The following INSL3 variants were observed in gnomAD, a reference collection of about 807,000 sequenced individuals.
The protein encoded by INSL3 is insulin-like 3.
INSL3 carries 6 observed loss-of-function variants against 5.5 expected under a neutral mutation model. That is an observed-to-expected ratio of 1.08 (90% CI 0.59 to 2.14). The LOEUF is 2.14. Ranked by LOEUF, INSL3 falls within the 30% of genes most tolerant of loss-of-function variation. The pLI, the probability that INSL3 is intolerant of heterozygous loss-of-function variation, is 0.00. For missense variants in INSL3, 178 were observed against 184.7 expected (o/e 0.96, Z 0.21); for synonymous variants, 86 against 82.1 (o/e 1.05, Z -0.26).
Position 17,821,325 on chromosome 19 carries a change from C to CCCCCACTCA in INSL3, c.181_182insTGAGTGGGG (p.Thr60_Gly61insValSerGly). On this transcript the variant is annotated inframe_insertion, in exon 1 of 2. Transcript: ENST00000317306. ...TGCCCGTCCCCACTCACGGTCGCCT[C>CCCCCACTCA]CGGTCGCAGGCCTCCTGGCTTCGGT... 1 of 1,547,474 alleles carries CCCCCACTCA rather than the reference C, an allele frequency of 6.5e-7. No individual in the cohort carries two copies. Among genetic ancestry groups the CCCCCACTCA allele is most frequent in the Admixed American group, 2.0e-5 (1 of 51,010 alleles).
At position 17,821,406 on chromosome 19, in the gene INSL3, C is replaced by T. The variant is rs2094195618; in HGVS notation, c.101G>A (p.Cys34Tyr). ...TAGCGCGCGTACGAAGTGGTGGCCG[C>T]ACAACTTCTCACGCATCTCTGGGGT... is the stretch of plus-strand genomic sequence containing the variant. ...APTPEMREKL[C>Y]GHHFVRALVR... is the part of the protein sequence containing the mutation. Residue 34 changes from cysteine to tyrosine, a missense_variant, in exon 1 of 2, where the codon TGC becomes TAC. Cys to Tyr is a radical substitution (Grantham distance 194). Coordinates refer to ENST00000317306, the MANE Select transcript of INSL3 (RefSeq NM_005543.4). 1.3e-6 allele frequency: 2 copies of T among 1,548,028 alleles called. No individual in the cohort carries two copies. The highest frequency in any genetic ancestry group is 1.7e-6 in the Non-Finnish European group (2 of 1,145,510).
intron 1 of INSL3, chr19:17,820,381 G>C (rs991156469): frequency 2.4e-6 from 1 of 414,442 alleles, no homozygotes; most frequent in Non-Finnish European, 4.8e-6. Context: ...TTTAAAGCTG[G>C]ACACAGTGAC....
At chr19:17,819,586 A>T (rs1293407339) in intron 1 of INSL3, among the ~76,000 whole-genome samples, 1 of 152,124 alleles carries the variant, frequency 6.6e-6, no homozygotes, top group Admixed American at 6.6e-5. Flanking sequence ...TCATGCCTGT[A>T]ATCCCAGCCC....
chr19:17,820,980 A>AT lies in INSL3; in HGVS notation c.190+336dup, dbSNP rs1239719172. ...AGATGTGCATCATTATCCCCGGCTAATTTTTTTAAAAATTATTTTTAGTAG... is the reference window on the plus strand; with the variant it reads ...AGATGTGCATCATTATCCCCGGCTAATTTTTTTTAAAAATTATTTTTAGTAG... On this transcript the variant is annotated intron_variant, in intron 1 of 1. Coordinates refer to ENST00000317306, the MANE Select transcript of INSL3 (RefSeq NM_005543.4). 1.4e-4 allele frequency among the ~76,000 whole-genome samples: 22 copies of AT among 151,966 alleles called. 1 individual carries two copies. The highest frequency in any genetic ancestry group is 2.0e-4 in the East Asian group (1 of 5,120).
intron 1 of INSL3, 161 bp from the exon 2 acceptor site, chr19:17,817,220 G>T: frequency 1.3e-6 from 1 of 761,866 alleles, no homozygotes; most frequent in Non-Finnish European, 2.3e-6. Flanking sequence ...GCTTACACCT[G>T]TAATCCCAGC....
chr19:17,816,721 TAGTG>T lies in INSL3; in HGVS notation c.*129_*132del. 1.2e-6 allele frequency: 1 copy of T among 807,166 alleles called. No homozygotes were observed. Among genetic ancestry groups the T allele is most frequent in the Non-Finnish European group, 2.1e-6 (1 of 486,874 alleles). 50.0% of individuals were successfully genotyped at this position (807,166 alleles called of 1,614,324 possible). A position where few individuals can be genotyped will look rare whatever the true frequency, so the allele number is the denominator to read the frequency against. On this transcript the variant is annotated 3_prime_UTR_variant, in exon 2 of 2. Transcript: ENST00000317306. ...GCAGGTGGCATTGGTCTGGGGTAGA[TAGTG>T]AGCACCCATCCCAGGAGGTAATCAA...
chr19:17,821,009 T>TG (rs1255337650), intron 1 of INSL3, among the ~76,000 whole-genome samples: 2 of 152,052 alleles, frequency 1.3e-5, no homozygotes, highest in East Asian at 2.0e-4. Flanking sequence ...TTAGTAGAGA[T>TG]GGGGTTTCAC....
Position 17,821,418 on chromosome 19 carries a change from C to T in INSL3, c.89G>A (p.Arg30His), listed in dbSNP as rs2094195650. Residue 30 changes from arginine to histidine, a missense_variant, in exon 1 of 2, where the codon CGT becomes CAT. Coordinates refer to ENST00000317306, the MANE Select transcript of INSL3 (RefSeq NM_005543.4). ...ALGPAPTPEM[R>H]EKLCGHHFVR... is the part of the protein sequence containing the mutation. ...GAAGTGGTGGCCGCACAACTTCTCA[C>T]GCATCTCTGGGGTGGGCGCGGGGCC... is the stretch of plus-strand genomic sequence containing the variant. 12 of 1,547,772 alleles carry T rather than the reference C, an allele frequency of 7.8e-6. No homozygotes were observed. The highest frequency in any genetic ancestry group is 9.6e-6 in the Non-Finnish European group (11 of 1,145,322).
chr19:17,821,368 C>A lies in INSL3; in HGVS notation c.139G>T (p.Gly47Trp). Residue 47 changes from glycine (G) to tryptophan (W), a missense_variant, in exon 1 of 2, where the codon GGG becomes TGG. Gly to Trp is a radical substitution (Grantham distance 184, BLOSUM62 -2). Coordinates refer to ENST00000317306, the MANE Select transcript of INSL3 (RefSeq NM_005543.4). ...HFVRALVRVCGGPRWSTEARR... is the reference protein window; with the variant it reads ...HFVRALVRVCWGPRWSTEARR... ...GCTTCGGTGGACCAGCGGGGGCCCC[C>A]GCACACGCGCACTAGCGCGCGTACG... 6.5e-7 allele frequency: 1 copy of A among 1,548,718 alleles called. No individual in the cohort carries two copies. The highest frequency in any genetic ancestry group is 1.2e-5 in the South Asian group (1 of 83,996).
chr19:17,819,562 C>A (rs2094192503), intron 1 of INSL3, among the ~76,000 whole-genome samples: 1 of 152,146 alleles, frequency 6.6e-6, no homozygotes, highest in African/African-American at 2.4e-5. Context: ...CCAGCCTGGC[C>A]CGGGCACAGT....
chr19:17,819,419 G>A lies in INSL3; in HGVS notation c.190+1898C>T, dbSNP rs564891476. On this transcript the variant is annotated intron_variant, in intron 1 of 1. Coordinates refer to ENST00000317306, the MANE Select transcript of INSL3 (RefSeq NM_005543.4). ...TGAGCCACCACATCCAGCAAGGTAA[G>A]TATTTTAATGCAATACTTTTAAAAT... Among the ~76,000 whole-genome samples the A allele has an allele frequency of 7.9e-5, 12 of 152,058 alleles. No homozygotes were observed. The South Asian group carries it at 2.5e-3, about 32-fold the overall frequency.
chr19:17,816,562 C>A lies in INSL3; in HGVS notation c.*292G>T. 1 of 492,566 alleles carries A rather than the reference C, an allele frequency of 2.0e-6. No homozygotes were observed. Among genetic ancestry groups the A allele is most frequent in the East Asian group, 3.7e-5 (1 of 26,924 alleles). The allele number at this position is 492,566 out of a possible 1,614,324, so 30.5% of individuals were successfully genotyped here. Reference sequence around the variant, plus strand: ...AGAGACAGCAAGAAGGGGTGTTACACATGCAGGGAGCGGAGCGTCTGGGGC... The same window carrying A: ...AGAGACAGCAAGAAGGGGTGTTACAAATGCAGGGAGCGGAGCGTCTGGGGC... On this transcript the variant is annotated 3_prime_UTR_variant, in exon 2 of 2. Coordinates refer to ENST00000317306, the MANE Select transcript of INSL3 (RefSeq NM_005543.4).
At chr19:17,820,192 G>C (rs1461788315) in intron 1 of INSL3, among the ~76,000 whole-genome samples, 4 of 152,172 alleles carry the variant, frequency 2.6e-5, no homozygotes, top group Non-Finnish European at 4.4e-5. Context: ...GCTGAGGCAG[G>C]AAAATTGCTG....
chr19:17,819,549 A>C (rs1220271014), intron 1 of INSL3, among the ~76,000 whole-genome samples: 1 of 152,206 alleles, frequency 6.6e-6, no homozygotes, highest in African/African-American at 2.4e-5. Context: ...CAGGAGTTCA[A>C]GACCAGCCTG....
At chr19:17,821,239 G>T in intron 1 of INSL3, 78 bp downstream of exon 1, 1 of 1,481,042 alleles carries the variant, frequency 6.8e-7, no homozygotes, top group African/African-American at 1.4e-5. Context: ...CCACCTCCCT[G>T]CACGTGTGCA....
At chr19:17,817,463 T>C (rs1405249180) in intron 1 of INSL3, among the ~76,000 whole-genome samples, 3 of 126,154 alleles carry the variant, frequency 2.4e-5, no homozygotes, top group Admixed American at 9.1e-5. Flanking sequence ...CCAGCCTGGG[T>C]GACAGAGTGA....
At chr19:17,820,863 G>A (rs1042368780) in intron 1 of INSL3, among the ~76,000 whole-genome samples, 1 of 150,232 alleles carries the variant, frequency 6.7e-6, no homozygotes, top group African/African-American at 2.5e-5. Flanking sequence ...GCCCAGGCTG[G>A]AGTGCAATGG....
chr19:17,821,513 G>T lies in INSL3; in HGVS notation c.-7C>A, dbSNP rs536730078. Reference sequence around the variant, plus strand: ...CGGGCAGACGGGGGTCCATGGTGGTGGGTGGCGCCGGGGCCAAGCGGGGAC... The same window carrying T: ...CGGGCAGACGGGGGTCCATGGTGGTTGGTGGCGCCGGGGCCAAGCGGGGAC... On this transcript the variant is annotated 5_prime_UTR_variant, in exon 1 of 2. Transcript: ENST00000317306. 2.0e-6 allele frequency: 3 copies of T among 1,468,932 alleles called. No individual in the cohort carries two copies. The highest frequency in any genetic ancestry group is 1.4e-5 in the South Asian group (1 of 71,982). The allele number at this position is 1,468,932 out of a possible 1,614,324, so 91.0% of individuals were successfully genotyped here.
chr19:17,820,971 C>T (rs1012697166), intron 1 of INSL3, among the ~76,000 whole-genome samples: 1 of 151,914 alleles, frequency 6.6e-6, no homozygotes, highest in East Asian at 1.9e-4. Flanking sequence ...GCATCATTAT[C>T]CCCGGCTAAT....
Sources: allele counts gnomAD v4.1 joint callset (sites outside exome capture counted in the v4.1 genomes callset), GRCh38; gene constraint gnomAD v4.1.1; transcripts MANE v1.5; gene names NCBI Gene and HGNC (gene_info 2026-07-23, HGNC 2026-07-21).